Variants in ARFGAP2 observed in about 807,000 individuals in gnomAD.
ARFGAP2 encodes ARF GTPase activating protein 2, also known as ADP-ribosylation factor GTPase-activating protein 2.
Under a neutral mutation model 71.9 loss-of-function variants are expected in ARFGAP2, and 45 were observed. The observed-to-expected ratio is 0.63, with a 90% CI of 0.49 to 0.80. The LOEUF (loss-of-function observed/expected upper bound fraction) is 0.80, where lower values mean the gene tolerates loss of function less well. Ranked by LOEUF, ARFGAP2 falls within the 30% of genes least tolerant of loss-of-function variation. The probability of loss-of-function intolerance (pLI) is 0.00; values close to 1 mark genes in which losing one functional copy is unlikely to be tolerated. For missense variants in ARFGAP2, 633 were observed against 673.9 expected (o/e 0.94, Z 0.67); for synonymous variants, 248 against 249.2 (o/e 1.00, Z 0.05).
chr11:47,175,122 A>G, intron 4 of ARFGAP2, 24 bp from the exon 5 acceptor site: 1 of 1,614,098 alleles, frequency 6.2e-7, no homozygotes, highest in East Asian at 2.2e-5. Flanking sequence ...GACACCCCTA[A>G]AACACAGGGC....
At chr11:47,166,908 T>C in intron 12 of ARFGAP2, 22 bp from the exon 13 acceptor site, 2 of 1,608,154 alleles carry the variant, frequency 1.2e-6, no homozygotes. Flanking sequence ...ATGTGGAATA[T>C]CTCGGACTCC....
In ARFGAP2 at chr11:47,176,504, C is replaced by T; in HGVS notation, c.191+12G>A. On this transcript the variant is annotated intron_variant, in intron 2 of 15. Coordinates refer to ENST00000524782, the MANE Select transcript of ARFGAP2 (RefSeq NM_032389.6). ...GCCGGGTGGAAACACGGCAACCGCG[C>T]GGAGAGCCTACCTGATGAAGCTCAG... 1 of 1,611,826 alleles carries T rather than the reference C, an allele frequency of 6.2e-7. No individual in the cohort carries two copies. Among genetic ancestry groups the T allele is most frequent in the Non-Finnish European group, 8.5e-7 (1 of 1,179,132 alleles).
At position 47,164,397 on chromosome 11, in the gene ARFGAP2, C is replaced by A. The variant is rs1007004332; in HGVS notation, c.*1085G>T. 3 of 951,860 alleles carry A rather than the reference C, an allele frequency of 3.2e-6. No individual in the cohort carries two copies. In the Admixed American group the frequency reaches 9.6e-5, roughly 30 times the overall value. The allele number at this position is 951,860 out of a possible 1,614,324, so 59.0% of individuals were successfully genotyped here. On this transcript the variant is annotated 3_prime_UTR_variant, in exon 16 of 16. Coordinates refer to ENST00000524782, the MANE Select transcript of ARFGAP2 (RefSeq NM_032389.6). ...AGTCCAGAAAGAAAGTCAAGTCCCT[C>A]TGGGGGAGGGGCAAGGGGAAGAGTG... is the stretch of plus-strand genomic sequence containing the variant.
chr11:47,176,122 C>T (rs1952806816), intron 2 of ARFGAP2, 199 bp from the exon 3 acceptor site: 1 of 615,888 alleles, frequency 1.6e-6, no homozygotes, highest in Non-Finnish European at 2.9e-6. Flanking sequence ...CTAATTATGT[C>T]CCCAGATCCG....
intron 7 of ARFGAP2, chr11:47,173,198 C>T (rs191511852): frequency 2.2e-4 from 129 of 582,114 alleles, no homozygotes; most frequent in African/African-American, 2.1e-3. Context: ...CAGAGGCAGA[C>T]CCCAGGCCTT....
rs139540030 is a variant in ARFGAP2, at chr11:47,175,495, C to A, written c.265-182G>T. ...AATTCCTGCAAAAAACACCTTGCAG[C>A]GGGCCATCCTCTGATATGACTGAAG... On this transcript the variant is annotated intron_variant, in intron 3 of 15. Transcript: ENST00000524782. 4.6e-5 allele frequency: 43 copies of A among 926,186 alleles called. 1 individual carries two copies. In the African/African-American group the frequency reaches 6.2e-4, roughly 13 times the overall value. 57.4% of individuals were successfully genotyped at this position (926,186 alleles called of 1,614,324 possible).
chr11:47,171,968 G>T, intron 8 of ARFGAP2, 168 bp from the exon 9 acceptor site: 1 of 1,067,154 alleles, frequency 9.4e-7, no homozygotes, highest in Non-Finnish European at 1.3e-6. Flanking sequence ...CGCTGGAGCT[G>T]GGCATGGGCG....
At chr11:47,171,966 C>T (rs1291762940) in intron 8 of ARFGAP2, 166 bp from the exon 9 acceptor site, 2 of 1,105,214 alleles carry the variant, frequency 1.8e-6, no homozygotes, top group South Asian at 3.2e-5. Context: ...TCCGCTGGAG[C>T]TGGGCATGGG....
At position 47,173,453 on chromosome 11, in the gene ARFGAP2, G is replaced by A. The variant is rs1952675369; in HGVS notation, c.592C>T (p.Leu198Phe). 1 of 1,558,940 alleles carries A rather than the reference G, an allele frequency of 6.4e-7. No individual in the cohort carries two copies. The highest frequency in any genetic ancestry group is 8.7e-7 in the Non-Finnish European group (1 of 1,151,278). Residue 198 changes from leucine (L) to phenylalanine (F), a missense_variant, in exon 7 of 16, where the codon CTT (leucine) becomes TTT (phenylalanine). Coordinates refer to ENST00000524782, the MANE Select transcript of ARFGAP2 (RefSeq NM_032389.6). ...QPEHGPNTDL[L>F]GTSPKASLEL... ...AGTGAGGCTTTGGGTGAGGTGCCAA[G>A]CAGGTCTGTGTTGGGGCCATGCTCC...
chr11:47,165,749 C>T (rs1952339900), intron 15 of ARFGAP2, among the ~76,000 whole-genome samples: 1 of 152,184 alleles, frequency 6.6e-6, no homozygotes, highest in South Asian at 2.1e-4. Flanking sequence ...GTACAGGTGA[C>T]AAGGCCAGGG....
At position 47,176,705 on chromosome 11, in the gene ARFGAP2, C is replaced by T. The variant is rs574163921; in HGVS notation, c.73-71G>A. 7.4e-6 allele frequency: 12 copies of T among 1,611,660 alleles called. No individual in the cohort carries two copies. The African/African-American group carries it at 9.3e-5, about 13-fold the overall frequency. ...AGGCCAGGCACCGACACCCCAGAAA[C>T]ATAACCCACCTCCGCCCTTCTCCCT... On this transcript the variant is annotated intron_variant, in intron 1 of 15. Coordinates refer to ENST00000524782, the MANE Select transcript of ARFGAP2 (RefSeq NM_032389.6).
chr11:47,172,160 C>G (rs930970483), intron 8 of ARFGAP2, 121 bp downstream of exon 8: 12 of 1,015,104 alleles, frequency 1.2e-5, no homozygotes, highest in African/African-American at 1.6e-5. Context: ...AGGCGAGGTT[C>G]GGAGAAACAC....
intron 10 of ARFGAP2, among the ~76,000 whole-genome samples, chr11:47,168,893 A>G (rs1952492514): frequency 1.3e-5 from 2 of 152,072 alleles, no homozygotes; most frequent in Non-Finnish European, 2.9e-5. Flanking sequence ...TACCTTGTGC[A>G]CTATGAACCC....
chr11:47,176,216 G>A, intron 2 of ARFGAP2: 1 of 586,738 alleles, frequency 1.7e-6, no homozygotes, highest in East Asian at 2.8e-5. Context: ...AGACATACTG[G>A]TCTAACAACA....
At chr11:47,167,824 C>A in intron 12 of ARFGAP2, 85 bp downstream of exon 12, 1 of 1,453,942 alleles carries the variant, frequency 6.9e-7, no homozygotes, top group Non-Finnish European at 9.1e-7. Flanking sequence ...GAAAGTTCTT[C>A]TAGACAGTGC....
chr11:47,168,882 C>T (rs1342317069), intron 10 of ARFGAP2, among the ~76,000 whole-genome samples: 1 of 152,098 alleles, frequency 6.6e-6, no homozygotes, highest in African/African-American at 2.4e-5. Context: ...GAACAACTCC[C>T]TACCTTGTGC....
Position 47,165,504 on chromosome 11 carries a change from T to A in ARFGAP2, c.1546-2A>T. ...GGATCAGTAGGAACCGTAGCGATCCTGGGGGCGAGGGGGGAGAAAAAAAAA... is the reference window on the plus strand; with the variant it reads ...GGATCAGTAGGAACCGTAGCGATCCAGGGGGCGAGGGGGGAGAAAAAAAAA... On this transcript the variant is annotated splice_acceptor_variant, in intron 15 of 15. Transcript: ENST00000524782. LOFTEE classifies it high-confidence loss of function. The A allele has an allele frequency of 6.5e-7, 1 of 1,536,292 alleles. No individual in the cohort carries two copies.
intron 10 of ARFGAP2, among the ~76,000 whole-genome samples, chr11:47,169,757 C>T (rs868562837): frequency 2.0e-5 from 3 of 152,084 alleles, no homozygotes; most frequent in East Asian, 3.9e-4. Context: ...ACCCCGGAGG[C>T]GGAGGTTGTG....
intron 8 of ARFGAP2, 128 bp downstream of exon 8, chr11:47,172,153 C>A: frequency 2.1e-6 from 2 of 957,116 alleles, no homozygotes; most frequent in South Asian, 1.5e-5. Context: ...CTTTCACAGG[C>A]GAGGTTCGGA....
Sources: gnomAD v4.1 joint callset for allele counts (sites outside exome capture counted in the v4.1 genomes callset) on GRCh38, gnomAD v4.1.1 for gene constraint, MANE v1.5 for transcripts, NCBI Gene and HGNC (gene_info 2026-07-23, HGNC 2026-07-21) for gene names.